Variants in LARGE1 observed in about 807,000 individuals in gnomAD.
LARGE1 encodes the protein LARGE xylosyl- and glucuronyltransferase 1.
A neutral mutation model predicts 87.6 loss-of-function variants in LARGE1; 43 were observed. That is an observed-to-expected ratio of 0.49 (90% confidence interval 0.38 to 0.63). LARGE1 has a LOEUF of 0.63. Ranked by LOEUF, LARGE1 falls within the 30% of genes least tolerant of loss-of-function variation. The pLI is 0.00. For synonymous variants in LARGE1, 434 were observed against 394.6 expected, an observed-to-expected ratio of 1.10 and a Z score of -1.18; for missense variants, 802 against 1,000.2, an observed-to-expected ratio of 0.80 and a Z score of 2.67.
intron 11 of LARGE1, among the ~76,000 whole-genome samples, chr22:33,169,602 A>G (rs1241430609): frequency 1.3e-5 from 2 of 152,162 alleles, no homozygotes; most frequent in African/African-American, 2.4e-5. Flanking sequence ...CTGTAATCCC[A>G]GCACTTTGGG....
At chr22:33,438,725 T>C (rs895276945) in intron 6 of LARGE1, among the ~76,000 whole-genome samples, 3 of 152,144 alleles carry the variant, frequency 2.0e-5, no homozygotes, top group Non-Finnish European at 2.9e-5. Flanking sequence ...CATTCGTCCA[T>C]TGGGTATAAA....
intron 10 of LARGE1, among the ~76,000 whole-genome samples, chr22:33,335,929 C>G (rs966434453): frequency 1.3e-5 from 2 of 152,192 alleles, no homozygotes; most frequent in Admixed American, 1.3e-4. Flanking sequence ...TAGTTATTAA[C>G]TGTGTCTCCT....
At chr22:33,358,015 T>C (rs1941060378) in intron 9 of LARGE1, among the ~76,000 whole-genome samples, 1 of 152,156 alleles carries the variant, frequency 6.6e-6, no homozygotes, top group Non-Finnish European at 1.5e-5. Context: ...GAGTGGGTGC[T>C]CTGCCATGTC....
At chr22:33,735,516 G>T (rs1474095652) in intron 2 of LARGE1, among the ~76,000 whole-genome samples, 2 of 152,094 alleles carry the variant, frequency 1.3e-5, no homozygotes, top group East Asian at 3.9e-4. Context: ...CCCAACAAAG[G>T]TATCTCAGAA....
chr22:33,280,304 T>C lies in LARGE1; in HGVS notation c.1877+2898A>G, dbSNP rs1446660484. 6.3e-5 allele frequency among the ~76,000 whole-genome samples: 8 copies of C among 127,184 alleles called. No homozygotes were observed. In the East Asian group the frequency reaches 1.7e-3, roughly 27 times the overall value. The allele number at this position is 127,184 out of a possible 152,430, so 83.4% of individuals were successfully genotyped here. ...AGTACTCAGAGTAGTTTCTGATATA[T>C]GGTAACTCCTCAAAAAAAAAAAAAA... On this transcript the variant is annotated intron_variant, in intron 13 of 14. Coordinates refer to ENST00000397394, the MANE Select transcript of LARGE1 (RefSeq NM_133642.5).
At chr22:33,351,877 T>G (rs1443032049) in intron 9 of LARGE1, among the ~76,000 whole-genome samples, 1 of 152,102 alleles carries the variant, frequency 6.6e-6, no homozygotes, top group African/African-American at 2.4e-5. Context: ...TAGCTGGGAT[T>G]ACATGTGCGC....
chr22:33,258,870 T>C (rs1271808904), intron 11 of LARGE1, among the ~76,000 whole-genome samples: 1 of 144,276 alleles, frequency 6.9e-6, no homozygotes, highest in Non-Finnish European at 1.5e-5. Context: ...ATAAACTTTA[T>C]GTTTCTTCTT....
chr22:33,775,463 T>C lies in LARGE1; in HGVS notation c.-82-13905A>G, dbSNP rs548139000. On this transcript the variant is annotated intron_variant, in intron 1 of 14. Coordinates refer to ENST00000397394, the MANE Select transcript of LARGE1 (RefSeq NM_133642.5). ...TAGACTTTCCCACACCAACTCTGCT[T>C]TTCCCCATGGGGAGCCTCTAAGTCA... is the stretch of plus-strand genomic sequence containing the variant. Among the ~76,000 whole-genome samples the C allele has an allele frequency of 3.9e-5, 6 of 152,260 alleles. No individual in the cohort carries two copies. In the South Asian group the frequency reaches 1.2e-3, roughly 32 times the overall value.
In LARGE1 at chr22:33,756,303, G is replaced by GA. The variant is rs575241576; in HGVS notation, c.106+5067dup. Among the ~76,000 whole-genome samples, 108 of 152,328 alleles carry GA rather than the reference G, an allele frequency of 7.1e-4. 1 individual carries two copies. Among genetic ancestry groups the GA allele is most frequent in the African/African-American group, 2.4e-3 (99 of 41,564 alleles). On this transcript the variant is annotated intron_variant, in intron 2 of 14. Transcript: ENST00000397394. ...TCTCCCGGCACTACAGTAGGTGCTAGAGGTGGAAGGGCGAGCTAAAGAGAC... is the reference window on the plus strand; with the variant it reads ...TCTCCCGGCACTACAGTAGGTGCTAGAAGGTGGAAGGGCGAGCTAAAGAGAC...
chr22:33,890,178 G>A (rs1353239884), intron 1 of LARGE1, among the ~76,000 whole-genome samples: 7 of 152,176 alleles, frequency 4.6e-5, no homozygotes, highest in Admixed American at 1.3e-4. Context: ...AGGGTTAAGC[G>A]CATAATTCTG....
At position 33,766,486 on chromosome 22, in the gene LARGE1, C is replaced by T. The variant is rs1036605775; in HGVS notation, c.-82-4928G>A. 3.3e-5 allele frequency among the ~76,000 whole-genome samples: 5 copies of T among 152,316 alleles called. No homozygotes were observed. The East Asian group carries it at 5.8e-4, about 18-fold the overall frequency. ...TGTGGCACAGGCTGGAGTGCAATGT[C>T]GTGATCTTGGCTCACTGCAACCTCC... On this transcript the variant is annotated intron_variant, in intron 1 of 14. Coordinates refer to ENST00000397394, the MANE Select transcript of LARGE1 (RefSeq NM_133642.5).
At chr22:33,500,219 C>G (rs2070363309) in intron 6 of LARGE1, among the ~76,000 whole-genome samples, 1 of 152,118 alleles carries the variant, frequency 6.6e-6, no homozygotes, top group Non-Finnish European at 1.5e-5. Flanking sequence ...GGAAGTGGGT[C>G]TAATTCACCT....
At chr22:33,589,395 C>A (rs2078771523) in intron 5 of LARGE1, among the ~76,000 whole-genome samples, 1 of 151,856 alleles carries the variant, frequency 6.6e-6, no homozygotes, top group Admixed American at 6.6e-5. Context: ...TTGTTGTATA[C>A]CTTTACTCAT....
the LARGE1 span, among the ~76,000 whole-genome samples, chr22:33,118,734 G>T: frequency 6.6e-6 from 1 of 152,138 alleles, no homozygotes; most frequent in Non-Finnish European, 1.5e-5. Context: ...TTATTTCCTG[G>T]AGTTTAACAG....
At position 33,761,523 on chromosome 22, in the gene LARGE1, G is replaced by A. The variant is rs775356534; in HGVS notation, c.-47C>T. ...TAATCCCAGCGCCGTTTCTCTGTCC[G>A]GAGCATGAAGTCCTCGGCCTCCCTC... On this transcript the variant is annotated 5_prime_UTR_variant, in exon 2 of 15. Coordinates refer to ENST00000397394, the MANE Select transcript of LARGE1 (RefSeq NM_133642.5). 3.5e-5 allele frequency: 51 copies of A among 1,445,370 alleles called. No individual in the cohort carries two copies. Among genetic ancestry groups the A allele is most frequent in the Admixed American group, 6.7e-5 (4 of 59,574 alleles). The allele number at this position is 1,445,370 out of a possible 1,614,324, so 89.5% of individuals were successfully genotyped here.
intron 7 of LARGE1, among the ~76,000 whole-genome samples, chr22:33,417,187 G>C (rs2147520799): frequency 6.6e-6 from 1 of 152,298 alleles, no homozygotes; most frequent in Non-Finnish European, 1.5e-5. Flanking sequence ...TTACAGGCGT[G>C]AGCCACCGTG....
At chr22:33,131,124 T>C in the LARGE1 span, among the ~76,000 whole-genome samples, 1 of 151,488 alleles carries the variant, frequency 6.6e-6, no homozygotes, top group African/African-American at 2.4e-5. Context: ...GAGACCTTCC[T>C]ATGAGATTTG....
intron 1 of LARGE1, among the ~76,000 whole-genome samples, chr22:33,895,648 C>T (rs2065123752): frequency 6.6e-6 from 1 of 152,230 alleles, no homozygotes. Context: ...AAGCCACCCA[C>T]AGTTCCTTGC....
At chr22:33,766,866 G>A (rs1470374939) in intron 1 of LARGE1, among the ~76,000 whole-genome samples, 2 of 117,084 alleles carry the variant, frequency 1.7e-5, no homozygotes, top group African/African-American at 3.0e-5. Context: ...AGGCTTAAAT[G>A]TTGTAAATTA....
Sources: gnomAD v4.1 joint callset for allele counts (sites outside exome capture counted in the v4.1 genomes callset) on GRCh38, gnomAD v4.1.1 for gene constraint, MANE v1.5 for transcripts, NCBI Gene and HGNC (gene_info 2026-07-23, HGNC 2026-07-21) for gene names.